EYA4: variants seen among roughly 807,000 people sequenced by gnomAD.
EYA4 encodes protein phosphatase EYA4.
In EYA4, 31 loss-of-function variants were observed where a neutral mutation model predicts 87.9. The observed-to-expected ratio is 0.35, with a 90% confidence interval of 0.27 to 0.48. EYA4 has a LOEUF of 0.48. Ranked by LOEUF, EYA4 falls within the 20% of genes least tolerant of loss-of-function variation. The pLI is 0.99. For synonymous variants in EYA4, 263 were observed against 270.6 expected, an observed-to-expected ratio of 0.97 and a Z score of 0.28; for missense variants, 678 against 761.4, an observed-to-expected ratio of 0.89 and a Z score of 1.29.
Position 133,372,837 on chromosome 6 carries a change from T to C in EYA4, c.34-9555T>C, listed in dbSNP as rs571310936. ...TTGCTTTAAAATTTTGTGTGCATTC[T>C]ATCAATTTGTTTTTAAAGTTAAAGA... On this transcript the variant is annotated intron_variant, in intron 2 of 19. Coordinates refer to ENST00000355286, the MANE Select transcript of EYA4 (RefSeq NM_004100.5). 3.3e-3 allele frequency among the ~76,000 whole-genome samples: 497 copies of C among 152,020 alleles called. 3 individuals carry two copies. Among genetic ancestry groups the C allele is most frequent in the African/African-American group, 0.011 (464 of 41,542 alleles).
intron 3 of EYA4, among the ~76,000 whole-genome samples, chr6:133,425,909 C>G (rs1157265065): frequency 6.6e-6 from 1 of 150,802 alleles, no homozygotes. Context: ...TGAAGATGCT[C>G]TATGCTTTTC....
chr6:133,344,318 CAA>C (rs1345687378), intron 2 of EYA4, among the ~76,000 whole-genome samples: 9 of 152,162 alleles, frequency 5.9e-5, no homozygotes, highest in African/African-American at 2.2e-4. Context: ...ATATATGTGA[CAA>C]GAGATATCTA....
chr6:133,344,547 T>C (rs994946250), intron 2 of EYA4, among the ~76,000 whole-genome samples: 5 of 152,310 alleles, frequency 3.3e-5, no homozygotes, highest in Admixed American at 2.0e-4. Flanking sequence ...TACTTGGAAC[T>C]GATCCATTGT....
chr6:133,316,839 T>C (rs1780664113), intron 2 of EYA4, among the ~76,000 whole-genome samples: 1 of 152,180 alleles, frequency 6.6e-6, no homozygotes, highest in South Asian at 2.1e-4. Context: ...CCTAACTGCC[T>C]TGTGTTGGCC....
intron 2 of EYA4, among the ~76,000 whole-genome samples, chr6:133,357,270 CAAAAAAAAAAAAA>C (rs754202361): frequency 9.2e-5 from 6 of 65,306 alleles, no homozygotes; most frequent in Non-Finnish European, 1.5e-4. Context: ...GACTCCGTCT[CAAAAAAAAAAAAA>C]AAAAAAAAAA....
At chr6:133,506,446 C>T (rs571833234) in intron 14 of EYA4, among the ~76,000 whole-genome samples, 3 of 152,224 alleles carry the variant, frequency 2.0e-5, no homozygotes, top group Admixed American at 6.5e-5. Flanking sequence ...CCTTACTGTC[C>T]ACAGCTGTAC....
chr6:133,515,048 T>C (rs1015197243), intron 16 of EYA4, among the ~76,000 whole-genome samples: 1 of 152,216 alleles, frequency 6.6e-6, no homozygotes, highest in African/African-American at 2.4e-5. Flanking sequence ...TGAGATCCAC[T>C]GCGCTAGATT....
intron 3 of EYA4, among the ~76,000 whole-genome samples, chr6:133,424,902 C>T (rs57243011): frequency 0.2 from 29,851 of 150,670 alleles, 3,735 homozygotes; most frequent in East Asian, 0.34. Context: ...CCCAGCAGTG[C>T]CTCCCTGCTA....
At chr6:133,464,129 T>A (rs1352852546) in intron 9 of EYA4, among the ~76,000 whole-genome samples, 2 of 152,136 alleles carry the variant, frequency 1.3e-5, no homozygotes, top group Non-Finnish European at 2.9e-5. Flanking sequence ...AAGGACTTTT[T>A]TTTTAGGAAA....
chr6:133,464,661 ATT>A (rs1274492311), intron 9 of EYA4, 116 bp from the exon 10 acceptor site: 12 of 726,150 alleles, frequency 1.7e-5, no homozygotes, highest in Non-Finnish European at 2.9e-5. Context: ...TCAACTTCAA[ATT>A]TCACTGTCTT....
chr6:133,472,343 C>T (rs1408752148), intron 11 of EYA4, among the ~76,000 whole-genome samples: 2 of 95,614 alleles, frequency 2.1e-5, no homozygotes, highest in Non-Finnish European at 3.9e-5. Context: ...GCCTTCATTT[C>T]GTTATGTACC....
At chr6:133,355,502 G>A (rs894726224) in intron 2 of EYA4, among the ~76,000 whole-genome samples, 8 of 152,144 alleles carry the variant, frequency 5.3e-5, no homozygotes, top group African/African-American at 1.9e-4. Flanking sequence ...ATGCAGTCAT[G>A]AAAAAGAACA....
chr6:133,327,784 A>G (rs1781616622), intron 2 of EYA4, among the ~76,000 whole-genome samples: 2 of 152,318 alleles, frequency 1.3e-5, no homozygotes, highest in East Asian at 3.9e-4. Context: ...AAATCAGTCT[A>G]TAGAGACTCC....
chr6:133,443,200 A>G (rs984875156), intron 3 of EYA4, among the ~76,000 whole-genome samples: 2 of 151,964 alleles, frequency 1.3e-5, no homozygotes, highest in African/African-American at 4.8e-5. Context: ...TGTTACTAAA[A>G]AAAATTTTTT....
At chr6:133,448,562 A>G (rs558921839) in intron 5 of EYA4, among the ~76,000 whole-genome samples, 1 of 152,306 alleles carries the variant, frequency 6.6e-6, no homozygotes, top group East Asian at 1.9e-4. Flanking sequence ...TAACCCACAG[A>G]CTTTCATAAT....
chr6:133,425,664 GC>G (rs1790606149), intron 3 of EYA4, among the ~76,000 whole-genome samples: 1 of 150,504 alleles, frequency 6.6e-6, no homozygotes. Context: ...CTTCCTAAAT[GC>G]CCCCACTTTG....
intron 3 of EYA4, chr6:133,435,457 TCTGA>T (rs1199211952): frequency 1.3e-5 from 2 of 152,648 alleles, no homozygotes; most frequent in African/African-American, 4.8e-5. Context: ...TGACCCCAGT[TCTGA>T]CTGTGTCTGG....
chr6:133,365,179 C>G (rs75612804), intron 2 of EYA4, among the ~76,000 whole-genome samples: 2,769 of 152,228 alleles, frequency 0.018, 75 homozygotes, highest in African/African-American at 0.06. Flanking sequence ...GGATATTGAT[C>G]GCTTGGTTGG....
At chr6:133,420,651 A>G (rs889387517) in intron 3 of EYA4, among the ~76,000 whole-genome samples, 4 of 152,238 alleles carry the variant, frequency 2.6e-5, no homozygotes, top group Admixed American at 6.5e-5. Flanking sequence ...CAAAGCAGGG[A>G]CAACCTTGAT....
Sources: gnomAD v4.1 joint callset for allele counts (sites outside exome capture counted in the v4.1 genomes callset) on GRCh38, gnomAD v4.1.1 for gene constraint, MANE v1.5 for transcripts, NCBI Gene and HGNC (gene_info 2026-07-23, HGNC 2026-07-21) for gene names.